DLC1: variants seen among roughly 807,000 people sequenced by gnomAD.
The protein encoded by DLC1 is rho GTPase-activating protein 7.
DLC1 carries 54 observed loss-of-function variants against 140.3 expected under a neutral mutation model. The observed-to-expected ratio is 0.38, with a 90% CI of 0.31 to 0.48. The LOEUF (loss-of-function observed/expected upper bound fraction) is 0.48, where lower values mean the gene tolerates loss of function less well. Ranked by LOEUF, DLC1 falls within the 20% of genes least tolerant of loss-of-function variation. The pLI is 0.96. For synonymous variants in DLC1, 986 were observed against 728.1 expected (o/e 1.35, Z -5.70); for missense variants, 2,536 against 1,907.0 (o/e 1.33, Z -6.14).
chr8:13,234,808 G>A (rs1435773866), intron 5 of DLC1, among the ~76,000 whole-genome samples: 2 of 151,992 alleles, frequency 1.3e-5, no homozygotes, highest in East Asian at 1.9e-4. Context: ...GATTATTTTT[G>A]GTATGGGATC....
chr8:13,558,306 T>G (rs992272476), intron 1 of DLC1: 1 of 152,104 alleles, frequency 6.6e-6, no homozygotes, highest in African/African-American at 2.4e-5. Flanking sequence ...TACCAAGGGC[T>G]TGGAGAAGGG....
At position 13,544,783 on chromosome 8, in the gene DLC1, T is replaced by C. The variant is rs574037252; in HGVS notation, c.-125-44587A>G. Among the ~76,000 whole-genome samples, 26 of 152,360 alleles carry C rather than the reference T, an allele frequency of 1.7e-4. No homozygotes were observed. The East Asian group carries it at 5.0e-3, about 29-fold the overall frequency. On this transcript the variant is annotated intron_variant, in intron 1 of 1. Transcript: ENST00000631382. The stretch of plus-strand genomic sequence containing the variant: ...TCCATTAAAAAAGCTAAAAATATTT[T>C]GTAAATTTTGGGAGTAAGCTTCATT...
rs906001008 is a variant in DLC1 at position 13,100,651 on chromosome 8, C to A, written c.1686G>T (p.Leu562=). ...EFDVFSPKQD[L]VPGSPDDSHP... The stretch of plus-strand genomic sequence containing the variant: ...GGGAGTCGTCTGGGGACCCAGGGAC[C>A]AGGTCTTGTTTTGGAGAAAAGACAT... Residue 562 remains leucine (L), a synonymous_variant, in exon 9 of 18, where the codon CTG becomes CTT. Transcript: ENST00000276297. The A allele has an allele frequency of 1.9e-6, 3 of 1,614,132 alleles. No individual in the cohort carries two copies. Among genetic ancestry groups the A allele is most frequent in the Non-Finnish European group, 2.5e-6 (3 of 1,180,016 alleles).
At chr8:13,142,923 C>T (rs1011884960) in intron 5 of DLC1, among the ~76,000 whole-genome samples, 7 of 152,206 alleles carry the variant, frequency 4.6e-5, no homozygotes, top group African/African-American at 1.7e-4. Context: ...GTGGCACATT[C>T]CTGTAATCCC....
intron 2 of DLC1, among the ~76,000 whole-genome samples, chr8:13,474,389 G>A (rs190358163): frequency 1.3e-5 from 2 of 152,206 alleles, no homozygotes; most frequent in Non-Finnish European, 2.9e-5. Context: ...TGCTGCAGGG[G>A]TGAGGCCCTC....
intron 5 of DLC1, among the ~76,000 whole-genome samples, chr8:13,119,704 C>G (rs2128953829): frequency 6.6e-6 from 1 of 152,246 alleles, no homozygotes; most frequent in Non-Finnish European, 1.5e-5. Flanking sequence ...GTAACCCCAG[C>G]ATTCTGGGAG....
chr8:13,418,580 A>G (rs948676997), intron 2 of DLC1, among the ~76,000 whole-genome samples: 6 of 152,016 alleles, frequency 3.9e-5, no homozygotes, highest in South Asian at 4.1e-4. Flanking sequence ...CTATATCTCT[A>G]TTTTGGTACC....
At chr8:13,100,876 C>G in intron 8 of DLC1, 106 bp from the exon 9 acceptor site, 3 of 1,199,312 alleles carry the variant, frequency 2.5e-6, no homozygotes, top group South Asian at 2.1e-5. Flanking sequence ...TCAATTTCCC[C>G]CTTGTACTTC....
At chr8:13,201,921 GTTTTTTTTTTTT>G (rs35475930) in intron 5 of DLC1, among the ~76,000 whole-genome samples, 1 of 101,804 alleles carries the variant, frequency 9.8e-6, no homozygotes, top group South Asian at 3.3e-4. Context: ...TACCCAAAAG[GTTTTTTTTTTTT>G]TTTTTTTTTT....
chr8:13,577,559 T>C (rs1329106319), intron 1 of DLC1, among the ~76,000 whole-genome samples: 5 of 152,204 alleles, frequency 3.3e-5, no homozygotes, highest in Non-Finnish European at 7.3e-5. Context: ...TGTCATAAAA[T>C]TTTGCCAATT....
intron 5 of DLC1, among the ~76,000 whole-genome samples, chr8:13,126,663 C>G (rs560201639): frequency 6.6e-6 from 1 of 152,124 alleles, no homozygotes; most frequent in South Asian, 2.1e-4. Flanking sequence ...TTATTCAAGG[C>G]AAAATATCTG....
rs547327167 is a variant in DLC1, at chr8:13,287,587, T to G, written c.1348+17682A>C. On this transcript the variant is annotated intron_variant, in intron 5 of 17. Coordinates refer to ENST00000276297, the MANE Select transcript of DLC1 (RefSeq NM_182643.3). ...ACCCTTGTTGGTATTTGTACATCTCTCATTATTTGTTATATACATGGAAAA... is the reference window on the plus strand; with the variant it reads ...ACCCTTGTTGGTATTTGTACATCTCGCATTATTTGTTATATACATGGAAAA... Among the ~76,000 whole-genome samples the G allele has an allele frequency of 1.1e-3, 162 of 152,322 alleles. 5 individuals carry two copies. In the South Asian group the frequency reaches 0.033, roughly 31 times the overall value.
At chr8:13,269,723 A>C (rs1793760529) in intron 5 of DLC1, among the ~76,000 whole-genome samples, 1 of 137,734 alleles carries the variant, frequency 7.3e-6, no homozygotes, top group African/African-American at 2.7e-5. Context: ...AAAAAAAAAA[A>C]AAGACACATT....
chr8:13,476,468 G>GT (rs11412815), intron 2 of DLC1, among the ~76,000 whole-genome samples: 2,406 of 148,510 alleles, frequency 0.016, 79 homozygotes, highest in South Asian at 0.093. Flanking sequence ...ATACAGTGCA[G>GT]TGTTTTTTTT....
At chr8:13,265,356 CA>C (rs1830642325) in intron 5 of DLC1, among the ~76,000 whole-genome samples, 1 of 152,068 alleles carries the variant, frequency 6.6e-6, no homozygotes, top group Non-Finnish European at 1.5e-5. Context: ...AAATAGTAGG[CA>C]ATCACAAAAG....
intron 5 of DLC1, among the ~76,000 whole-genome samples, chr8:13,225,765 G>A (rs1228022263): frequency 6.6e-6 from 1 of 151,788 alleles, no homozygotes; most frequent in East Asian, 1.9e-4. Flanking sequence ...ACAGGCACCC[G>A]CCACCACGCC....
chr8:13,567,310 C>A, intron 1 of DLC1: 1 of 1,551,734 alleles, frequency 6.4e-7, no homozygotes, highest in Non-Finnish European at 8.7e-7. Context: ...AGACACCAAA[C>A]TTCCAACAGA....
At chr8:13,403,807 G>GTTTTTTTTTTTTT (rs369715973) in intron 2 of DLC1, among the ~76,000 whole-genome samples, 9 of 87,284 alleles carry the variant, frequency 1.0e-4, no homozygotes, top group Admixed American at 1.5e-4. Context: ...AGGTCTGGCT[G>GTTTTTTTTTTTTT]TTTTTTTTTT....
chr8:13,382,431 C>G (rs1441986967), intron 4 of DLC1, among the ~76,000 whole-genome samples: 1 of 138,554 alleles, frequency 7.2e-6, no homozygotes, highest in Non-Finnish European at 1.5e-5. Context: ...GGCGTGAACC[C>G]CAGGGGGCGG....
Sources: allele counts gnomAD v4.1 joint callset (sites outside exome capture counted in the v4.1 genomes callset), GRCh38; gene constraint gnomAD v4.1.1; transcripts MANE v1.5; gene names NCBI Gene and HGNC (gene_info 2026-07-23, HGNC 2026-07-21).